Variants in GLIS3 observed in about 807,000 individuals in gnomAD.
The protein encoded by GLIS3 is zinc finger protein GLIS3.
GLIS3 carries 53 observed loss-of-function variants against 78.6 expected under a neutral mutation model. The observed-to-expected ratio is 0.67, with a 90% CI of 0.54 to 0.85. GLIS3 has a LOEUF of 0.85. GLIS3 is among the 40% of genes least tolerant of loss of function. The probability of loss-of-function intolerance (pLI) is 0.00; values close to 1 mark genes in which losing one functional copy is unlikely to be tolerated. For synonymous variants in GLIS3, 684 were observed against 509.9 expected, an observed-to-expected ratio of 1.34 and a Z score of -4.60; for missense variants, 1,703 against 1,231.1, an observed-to-expected ratio of 1.38 and a Z score of -5.74.
the GLIS3 span, among the ~76,000 whole-genome samples, chr9:4,435,765 C>T: frequency 6.6e-6 from 1 of 151,758 alleles, no homozygotes; most frequent in Non-Finnish European, 1.5e-5. Flanking sequence ...CTGGCTAATA[C>T]AGTGAAACCC....
chr9:4,181,313 G>A (rs1372937792), intron 2 of GLIS3, among the ~76,000 whole-genome samples: 1 of 152,222 alleles, frequency 6.6e-6, no homozygotes, highest in East Asian at 1.9e-4. Flanking sequence ...GTCGTTCACA[G>A]GAACCATCCT....
chr9:3,842,550 T>C (rs1042331812), intron 9 of GLIS3, among the ~76,000 whole-genome samples: 6 of 152,130 alleles, frequency 3.9e-5, no homozygotes, highest in Non-Finnish European at 8.8e-5. Context: ...AATTGCTTCC[T>C]TTGGGTTATC....
At chr9:4,226,091 T>C (rs1215828231) in intron 2 of GLIS3, among the ~76,000 whole-genome samples, 2 of 152,184 alleles carry the variant, frequency 1.3e-5, no homozygotes, top group African/African-American at 4.8e-5. Flanking sequence ...TTTAATCAAC[T>C]TCAAACATAC....
chr9:4,443,518 A>G, the GLIS3 span, among the ~76,000 whole-genome samples: 1 of 152,250 alleles, frequency 6.6e-6, no homozygotes, highest in Non-Finnish European at 1.5e-5. Flanking sequence ...TCTTAAGATC[A>G]GAAAGAACGA....
intron 2 of GLIS3, among the ~76,000 whole-genome samples, chr9:4,277,456 C>T (rs543949026): frequency 1.1e-4 from 16 of 152,312 alleles, no homozygotes; most frequent in African/African-American, 3.8e-4. Flanking sequence ...CAGGTTCTCA[C>T]AATACATTAT....
chr9:4,164,091 G>A (rs1835703391), intron 2 of GLIS3, among the ~76,000 whole-genome samples: 1 of 152,170 alleles, frequency 6.6e-6, no homozygotes, highest in African/African-American at 2.4e-5. Context: ...CTATATGCTG[G>A]TTTTAATTTC....
intron 4 of GLIS3, among the ~76,000 whole-genome samples, chr9:4,113,709 G>A (rs904973862): frequency 6.6e-6 from 1 of 152,152 alleles, no homozygotes; most frequent in Non-Finnish European, 1.5e-5. Flanking sequence ...AAGCTGGCTT[G>A]TGTACCCATA....
In GLIS3 at chr9:3,824,329, T is replaced by C. The variant is rs889989613; in HGVS notation, c.*3943A>G. ...CTGGACTTGAACATTCCCTCCCGCA[T>C]CATCTGCCTTTAATTATAATTACCA... is the stretch of plus-strand genomic sequence containing the variant. On this transcript the variant is annotated 3_prime_UTR_variant, in exon 11 of 11. Coordinates refer to ENST00000381971, the MANE Select transcript of GLIS3 (RefSeq NM_001042413.2). The C allele has an allele frequency of 5.2e-5, 8 of 152,616 alleles. No individual in the cohort carries two copies. Among genetic ancestry groups the C allele is most frequent in the African/African-American group, 1.9e-4 (8 of 41,440 alleles). The allele number at this position is 152,616 out of a possible 1,614,324, so 9.5% of individuals were successfully genotyped here.
intron 2 of GLIS3, among the ~76,000 whole-genome samples, chr9:4,131,887 A>G (rs1833002952): frequency 2.0e-5 from 3 of 152,106 alleles, no homozygotes; most frequent in Admixed American, 2.0e-4. Flanking sequence ...TATTGATACT[A>G]TGATTGTTAC....
At position 3,825,612 on chromosome 9, in the gene GLIS3, T is replaced by G. The variant is rs1198428889; in HGVS notation, c.*2660A>C. Reference sequence around the variant, plus strand: ...GAAAGGGAATGATTTTTTTGAAGTTTCCACTTGTACTGCTGCAAAAATAAT... The same window carrying G: ...GAAAGGGAATGATTTTTTTGAAGTTGCCACTTGTACTGCTGCAAAAATAAT... On this transcript the variant is annotated 3_prime_UTR_variant, in exon 11 of 11. Coordinates refer to ENST00000381971, the MANE Select transcript of GLIS3 (RefSeq NM_001042413.2). 1 of 152,222 alleles carries G rather than the reference T, an allele frequency of 6.6e-6. No homozygotes were observed. The highest frequency in any genetic ancestry group is 2.4e-5 in the African/African-American group (1 of 41,446). The allele number at this position is 152,222 out of a possible 1,614,324, so 9.4% of individuals were successfully genotyped here.
chr9:4,221,846 C>G (rs1006052037), intron 2 of GLIS3, among the ~76,000 whole-genome samples: 1 of 152,242 alleles, frequency 6.6e-6, no homozygotes, highest in Non-Finnish European at 1.5e-5. Flanking sequence ...GCCACCATAT[C>G]TCCATCTTCT....
intron 2 of GLIS3, among the ~76,000 whole-genome samples, chr9:4,185,202 A>G (rs1324726706): frequency 6.6e-6 from 1 of 152,226 alleles, no homozygotes; most frequent in Non-Finnish European, 1.5e-5. Context: ...AATGCAAATC[A>G]CAGTCTGTGG....
chr9:4,474,973 T>C, the GLIS3 span, among the ~76,000 whole-genome samples: 1 of 150,218 alleles, frequency 6.7e-6, no homozygotes, highest in Non-Finnish European at 1.5e-5. Flanking sequence ...TTTCATAAAT[T>C]GGACTATGTT....
chr9:4,049,353 C>A (rs1473121616), intron 4 of GLIS3, among the ~76,000 whole-genome samples: 1 of 152,180 alleles, frequency 6.6e-6, no homozygotes, highest in African/African-American at 2.4e-5. Flanking sequence ...CACCTCCCTA[C>A]AACGTGATTG....
At chr9:4,333,905 G>C (rs528314497) in intron 2 of GLIS3, among the ~76,000 whole-genome samples, 86 of 152,232 alleles carry the variant, frequency 5.6e-4, no homozygotes, top group Non-Finnish European at 9.6e-4. Context: ...CTTTGCATTG[G>C]GAATTTCTTG....
At chr9:4,177,383 C>T (rs1168038617) in intron 2 of GLIS3, among the ~76,000 whole-genome samples, 2 of 152,168 alleles carry the variant, frequency 1.3e-5, no homozygotes, top group Non-Finnish European at 2.9e-5. Flanking sequence ...CTAGTTAGAA[C>T]ACTTGGGGCT....
chr9:4,072,675 T>A (rs1384889409), intron 4 of GLIS3, among the ~76,000 whole-genome samples: 3 of 152,180 alleles, frequency 2.0e-5, no homozygotes, highest in Admixed American at 2.0e-4. Context: ...AACTTTTTTT[T>A]AATGACATCC....
At chr9:4,114,950 C>A (rs1188281611) in intron 4 of GLIS3, among the ~76,000 whole-genome samples, 11 of 152,190 alleles carry the variant, frequency 7.2e-5, no homozygotes, top group Admixed American at 7.2e-4. Flanking sequence ...ATGTGAATCC[C>A]AGGGTTCTGA....
chr9:3,970,396 G>A (rs761297208), intron 4 of GLIS3, among the ~76,000 whole-genome samples: 4 of 152,186 alleles, frequency 2.6e-5, no homozygotes, highest in Non-Finnish European at 5.9e-5. Context: ...GATAATTCAT[G>A]GAACAGGAAG....
Sources: gnomAD v4.1 joint callset for allele counts (sites outside exome capture counted in the v4.1 genomes callset) on GRCh38, gnomAD v4.1.1 for gene constraint, MANE v1.5 for transcripts, NCBI Gene and HGNC (gene_info 2026-07-23, HGNC 2026-07-21) for gene names.